MCTP1: variants seen among roughly 807,000 people sequenced by gnomAD.
The protein encoded by MCTP1 is multiple C2 and transmembrane domain-containing protein 1.
In MCTP1, 69 loss-of-function variants were observed where a neutral mutation model predicts 120.6. The ratio of observed to expected loss-of-function variants is 0.57; its 90% CI spans 0.47 to 0.70. The LOEUF (loss-of-function observed/expected upper bound fraction) is 0.70, where lower values mean the gene tolerates loss of function less well. Among genes scored for constraint, MCTP1 ranks in the 30% least tolerant of loss-of-function variants. The pLI is 0.00. For missense variants in MCTP1, 1,203 were observed against 1,248.8 expected, an observed-to-expected ratio of 0.96 and a Z score of 0.55; for synonymous variants, 529 against 493.1, an observed-to-expected ratio of 1.07 and a Z score of -0.96.
At chr5:94,955,440 G>A (rs937470757) in intron 2 of MCTP1, among the ~76,000 whole-genome samples, 13 of 152,178 alleles carry the variant, frequency 8.5e-5, no homozygotes, top group African/African-American at 2.9e-4. Context: ...CTGGTAAGGG[G>A]GCTAAAGCCA....
At chr5:95,003,960 G>A (rs538725550) in intron 2 of MCTP1, among the ~76,000 whole-genome samples, 3 of 152,266 alleles carry the variant, frequency 2.0e-5, no homozygotes, top group African/African-American at 7.2e-5. Context: ...GGAACATGAG[G>A]AAAAGTTTGG....
rs148419315 is a variant in MCTP1, at chr5:94,936,948, G to A, written c.1173+3136C>T. On this transcript the variant is annotated intron_variant, in intron 5 of 22. Coordinates refer to ENST00000515393, the MANE Select transcript of MCTP1 (RefSeq NM_024717.7). The stretch of plus-strand genomic sequence containing the variant: ...CTTGTTTCTCTACAACCAAGCCCAT[G>A]CCTCAGCTATTGATTGTACCCACGA... 3.7e-3 allele frequency among the ~76,000 whole-genome samples: 569 copies of A among 152,020 alleles called. 2 individuals are homozygous for A. Among genetic ancestry groups the A allele is most frequent in the Non-Finnish European group, 6.4e-3 (434 of 67,938 alleles).
chr5:95,165,803 C>G (rs771119944), intron 1 of MCTP1, among the ~76,000 whole-genome samples: 7 of 152,144 alleles, frequency 4.6e-5, no homozygotes, highest in South Asian at 4.1e-4. Flanking sequence ...CTGATTCTGC[C>G]CGGCTGTTTC....
intron 2 of MCTP1, among the ~76,000 whole-genome samples, chr5:94,971,378 G>C (rs1826828663): frequency 6.6e-6 from 1 of 151,250 alleles, no homozygotes; most frequent in South Asian, 2.1e-4. Context: ...AAAAAAAATG[G>C]GGCAGAGCAT....
intron 1 of MCTP1, among the ~76,000 whole-genome samples, chr5:95,276,879 G>A (rs955024059): frequency 7.2e-5 from 11 of 151,998 alleles, no homozygotes; most frequent in Non-Finnish European, 1.3e-4. Context: ...GTGAACCCAG[G>A]AGGCGGAGCT....
At chr5:95,073,800 G>T (rs1221734220) in intron 1 of MCTP1, among the ~76,000 whole-genome samples, 3 of 152,158 alleles carry the variant, frequency 2.0e-5, no homozygotes, top group African/African-American at 7.2e-5. Flanking sequence ...TTAACTTGGA[G>T]TGTGTGTTAG....
chr5:95,272,128 G>A (rs1436812122), intron 1 of MCTP1, among the ~76,000 whole-genome samples: 7 of 152,176 alleles, frequency 4.6e-5, no homozygotes, highest in Non-Finnish European at 1.0e-4. Context: ...GAGTAGGCAT[G>A]TGCATAAACC....
intron 1 of MCTP1, among the ~76,000 whole-genome samples, chr5:95,170,552 T>C (rs1318260549): frequency 6.6e-6 from 1 of 152,214 alleles, no homozygotes; most frequent in Non-Finnish European, 1.5e-5. Flanking sequence ...TCTAAGTCTC[T>C]TTGTAAGTCT....
At chr5:94,971,052 A>G (rs10079443) in intron 2 of MCTP1, among the ~76,000 whole-genome samples, 20,893 of 152,052 alleles carry the variant, frequency 0.14, 1,509 homozygotes, top group East Asian at 0.25. Flanking sequence ...GTACTCCTAT[A>G]GCCAAAGAGT....
intron 17 of MCTP1, among the ~76,000 whole-genome samples, chr5:94,807,577 C>A (rs1183697198): frequency 6.6e-6 from 1 of 152,096 alleles, no homozygotes; most frequent in East Asian, 1.9e-4. Context: ...TCCTTTTTGG[C>A]ACAAGAAAGG....
chr5:95,059,076 C>A (rs557869596), intron 1 of MCTP1, among the ~76,000 whole-genome samples: 1 of 152,190 alleles, frequency 6.6e-6, no homozygotes, highest in African/African-American at 2.4e-5. Context: ...GGTATATTCC[C>A]CAAAAGAAAA....
At position 95,069,792 on chromosome 5, in the gene MCTP1, G is replaced by A. The variant is rs987835412; in HGVS notation, c.721-52308C>T. Among the ~76,000 whole-genome samples, 16 of 150,366 alleles carry A rather than the reference G, an allele frequency of 1.1e-4. No homozygotes were observed. The East Asian group carries it at 1.2e-3, about 11-fold the overall frequency. On this transcript the variant is annotated intron_variant, in intron 1 of 22. Transcript: ENST00000515393. ...CTGCTCACTGCAAGCTCTGCCTCCC[G>A]GGTTCAAGCTATTCTCCTGCCTCAG...
chr5:94,704,116 G>A lies in MCTP1; in HGVS notation c.*3380C>T, dbSNP rs1205302566. On this transcript the variant is annotated 3_prime_UTR_variant, in exon 23 of 23. Coordinates refer to ENST00000515393, the MANE Select transcript of MCTP1 (RefSeq NM_024717.7). ...AATTTACCACATTATTTTCTATGTGGTTTTAATTCATACTTTACTGAGCAA... is the reference window on the plus strand; with the variant it reads ...AATTTACCACATTATTTTCTATGTGATTTTAATTCATACTTTACTGAGCAA... 6.6e-6 allele frequency: 1 copy of A among 150,620 alleles called. No individual in the cohort carries two copies. The highest frequency in any genetic ancestry group is 1.5e-5 in the Non-Finnish European group (1 of 67,370). 9.3% of individuals were successfully genotyped at this position (150,620 alleles called of 1,614,324 possible).
At chr5:94,977,835 G>C (rs1828464792) in intron 2 of MCTP1, among the ~76,000 whole-genome samples, 1 of 151,926 alleles carries the variant, frequency 6.6e-6, no homozygotes, top group South Asian at 2.1e-4. Flanking sequence ...TTAAATATAA[G>C]TCATGAAACT....
intron 2 of MCTP1, among the ~76,000 whole-genome samples, chr5:94,972,183 G>A (rs1267022927): frequency 6.6e-6 from 1 of 152,080 alleles, no homozygotes; most frequent in Admixed American, 6.6e-5. Flanking sequence ...GCACCCACAA[G>A]CACTGCTGTG....
intron 18 of MCTP1, among the ~76,000 whole-genome samples, chr5:94,786,627 A>G (rs1283832880): frequency 6.6e-6 from 1 of 152,214 alleles, no homozygotes; most frequent in Non-Finnish European, 1.5e-5. Context: ...TATCCCAGGA[A>G]AAGCCTGCCT....
chr5:94,739,075 C>A lies in MCTP1; in HGVS notation c.2611-24189G>T, dbSNP rs186282926. 6 of 152,300 alleles carry A rather than the reference C, an allele frequency of 3.9e-5. No individual in the cohort carries two copies. In the East Asian group the frequency reaches 1.2e-3, roughly 29 times the overall value. The allele number at this position is 152,300 out of a possible 1,614,324, so 9.4% of individuals were successfully genotyped here. ...AGTAATTTCGGCCAAGAGAGCAGTTCTTTGATTACCTTGGTATTTATGGTG... is the reference window on the plus strand; with the variant it reads ...AGTAATTTCGGCCAAGAGAGCAGTTATTTGATTACCTTGGTATTTATGGTG... On this transcript the variant is annotated intron_variant, in intron 19 of 22. Transcript: ENST00000515393.
intron 2 of MCTP1, 46 bp downstream of exon 2, chr5:95,017,320 TA>T: frequency 1.7e-6 from 2 of 1,180,456 alleles, no homozygotes; most frequent in Non-Finnish European, 2.4e-6. Flanking sequence ...AAGTTTGTCA[TA>T]AACACATAAA....
chr5:95,149,277 C>T (rs777301404), intron 1 of MCTP1, among the ~76,000 whole-genome samples: 5 of 152,200 alleles, frequency 3.3e-5, no homozygotes, highest in Non-Finnish European at 7.3e-5. Context: ...ATGATCAGCT[C>T]CTCCACCAAC....
Sources: gnomAD v4.1 joint callset for allele counts (sites outside exome capture counted in the v4.1 genomes callset) on GRCh38, gnomAD v4.1.1 for gene constraint, MANE v1.5 for transcripts, NCBI Gene and HGNC (gene_info 2026-07-23, HGNC 2026-07-21) for gene names.